The following HS6ST3 variants were observed in gnomAD, a reference collection of about 807,000 sequenced individuals.
The protein encoded by HS6ST3 is heparan-sulfate 6-O-sulfotransferase 3.
Under a neutral mutation model 36.7 loss-of-function variants are expected in HS6ST3, and 12 were observed. The ratio of observed to expected loss-of-function variants is 0.33; its 90% CI spans 0.21 to 0.53. HS6ST3 has a LOEUF of 0.53. Among genes scored for constraint, HS6ST3 ranks in the 20% least tolerant of loss-of-function variants. The pLI is 0.95. For synonymous variants in HS6ST3, 240 were observed against 257.5 expected (o/e 0.93, Z 0.65); for missense variants, 584 against 640.9 (o/e 0.91, Z 0.96).
intron 1 of HS6ST3, among the ~76,000 whole-genome samples, chr13:96,205,180 C>T (rs1169919686): frequency 6.6e-6 from 1 of 152,110 alleles, no homozygotes; most frequent in South Asian, 2.1e-4. Context: ...AAACAACCAT[C>T]AGAGAATACT....
At chr13:96,367,803 T>C (rs1259149940) in intron 1 of HS6ST3, among the ~76,000 whole-genome samples, 1 of 152,182 alleles carries the variant, frequency 6.6e-6, no homozygotes, top group Non-Finnish European at 1.5e-5. Flanking sequence ...GGGCTTGTCT[T>C]GAGAGCCAGT....
At chr13:96,591,082 C>T (rs1380418066) in intron 1 of HS6ST3, among the ~76,000 whole-genome samples, 2 of 151,476 alleles carry the variant, frequency 1.3e-5, no homozygotes, top group Non-Finnish European at 3.0e-5. Context: ...GTACCATGCC[C>T]TTTTAGTTAC....
At chr13:96,161,419 G>T (rs907557421) in intron 1 of HS6ST3, among the ~76,000 whole-genome samples, 6 of 152,172 alleles carry the variant, frequency 3.9e-5, no homozygotes, top group Non-Finnish European at 1.5e-5. Flanking sequence ...GATTCTTTGA[G>T]TAGTTGGATG....
intron 1 of HS6ST3, among the ~76,000 whole-genome samples, chr13:96,331,976 C>A (rs142758593): frequency 6.6e-6 from 1 of 152,190 alleles, no homozygotes; most frequent in African/African-American, 2.4e-5. Flanking sequence ...TTCTTTGACT[C>A]GGAAAGGGAA....
intron 1 of HS6ST3, among the ~76,000 whole-genome samples, chr13:96,179,323 A>G (rs777117067): frequency 6.6e-6 from 1 of 152,168 alleles, no homozygotes; most frequent in African/African-American, 2.4e-5. Flanking sequence ...AACATCAGCA[A>G]ACTCCCTGCA....
intron 1 of HS6ST3, among the ~76,000 whole-genome samples, chr13:96,746,306 G>A (rs1876560483): frequency 1.3e-5 from 2 of 152,144 alleles, no homozygotes; most frequent in East Asian, 3.9e-4. Context: ...ATATATGGGA[G>A]AATTGGATTA....
intron 1 of HS6ST3, among the ~76,000 whole-genome samples, chr13:96,333,527 T>C (rs1240531997): frequency 6.6e-6 from 1 of 152,054 alleles, no homozygotes; most frequent in Non-Finnish European, 1.5e-5. Context: ...TGCTGGTTTG[T>C]ATGGAGGGCT....
chr13:96,338,107 T>C (rs115733982), intron 1 of HS6ST3, among the ~76,000 whole-genome samples: 1,748 of 152,254 alleles, frequency 0.011, 36 homozygotes, highest in African/African-American at 0.04. Flanking sequence ...GTCTTTGCCA[T>C]GTTTAGGTTC....
intron 1 of HS6ST3, among the ~76,000 whole-genome samples, chr13:96,536,700 C>T (rs990546026): frequency 5.3e-5 from 8 of 152,200 alleles, no homozygotes; most frequent in African/African-American, 1.9e-4. Flanking sequence ...TTGCCACCCT[C>T]TACCATTTTT....
At chr13:96,181,958 C>T (rs560913935) in intron 1 of HS6ST3, among the ~76,000 whole-genome samples, 2 of 152,280 alleles carry the variant, frequency 1.3e-5, no homozygotes, top group South Asian at 4.1e-4. Context: ...TTAGTAATTT[C>T]TGGCTTTAAA....
intron 1 of HS6ST3, among the ~76,000 whole-genome samples, chr13:96,322,242 C>T (rs1027674628): frequency 2.6e-5 from 4 of 152,068 alleles, no homozygotes; most frequent in Admixed American, 6.6e-5. Flanking sequence ...TCCATATCTA[C>T]ATTTTAAAAA....
chr13:96,178,896 G>C (rs1269000848), intron 1 of HS6ST3, among the ~76,000 whole-genome samples: 2 of 152,168 alleles, frequency 1.3e-5, no homozygotes, highest in Non-Finnish European at 2.9e-5. Context: ...TTATTGACCA[G>C]GTTTTATATA....
At chr13:96,656,363 CT>C (rs1207785532) in intron 1 of HS6ST3, among the ~76,000 whole-genome samples, 1 of 152,082 alleles carries the variant, frequency 6.6e-6, no homozygotes, top group East Asian at 1.9e-4. Flanking sequence ...GTCACATACC[CT>C]TTTTTCCATT....
intron 1 of HS6ST3, among the ~76,000 whole-genome samples, chr13:96,562,830 T>G (rs926333663): frequency 2.6e-5 from 4 of 152,008 alleles, no homozygotes; most frequent in Admixed American, 1.3e-4. Context: ...CATGGAACAG[T>G]CAGGGATGTT....
At chr13:96,349,114 A>G (rs577882862) in intron 1 of HS6ST3, among the ~76,000 whole-genome samples, 1 of 152,356 alleles carries the variant, frequency 6.6e-6, no homozygotes, top group Admixed American at 6.5e-5. Context: ...GATTTCACAT[A>G]CAATCCAATG....
At chr13:96,141,760 A>T (rs1370325568) in intron 1 of HS6ST3, among the ~76,000 whole-genome samples, 1 of 152,176 alleles carries the variant, frequency 6.6e-6, no homozygotes, top group Non-Finnish European at 1.5e-5. Context: ...CCTTTAGATC[A>T]GGGGGGTCTT....
At chr13:96,790,659 G>T (rs187416869) in intron 1 of HS6ST3, among the ~76,000 whole-genome samples, 1 of 151,852 alleles carries the variant, frequency 6.6e-6, no homozygotes, top group East Asian at 1.9e-4. Context: ...TCAAAATCTT[G>T]CCTGTCCAAA....
chr13:96,791,106 A>G (rs1484071478), intron 1 of HS6ST3, among the ~76,000 whole-genome samples: 2 of 152,016 alleles, frequency 1.3e-5, no homozygotes, highest in Non-Finnish European at 2.9e-5. Context: ...CTAGGACGAC[A>G]TCCTCAAGTT....
At chr13:96,716,503 A>G (rs1393664452) in intron 1 of HS6ST3, among the ~76,000 whole-genome samples, 1 of 152,172 alleles carries the variant, frequency 6.6e-6, no homozygotes, top group Non-Finnish European at 1.5e-5. Flanking sequence ...ATGACATGTC[A>G]CTAAGTAATT....
Sources: gnomAD v4.1 joint callset for allele counts (sites outside exome capture counted in the v4.1 genomes callset) on GRCh38, gnomAD v4.1.1 for gene constraint, MANE v1.5 for transcripts, NCBI Gene and HGNC (gene_info 2026-07-23, HGNC 2026-07-21) for gene names.